Variants in ABTB2 observed in about 807,000 individuals in gnomAD.
ABTB2 encodes ankyrin repeat and BTB domain containing 2.
ABTB2 carries 56 observed loss-of-function variants against 104.1 expected under a neutral mutation model. The ratio of observed to expected loss-of-function variants is 0.54; its 90% CI spans 0.43 to 0.67. ABTB2 has a LOEUF of 0.67. Ranked by LOEUF, ABTB2 falls within the 30% of genes least tolerant of loss-of-function variation. The pLI is 0.00. For missense variants in ABTB2, 1,279 were observed against 1,407.7 expected (o/e 0.91, Z 1.46); for synonymous variants, 606 against 608.2 (o/e 1.00, Z 0.05).
intron 2 of ABTB2, among the ~76,000 whole-genome samples, chr11:34,199,434 C>T (rs945284358): frequency 4.6e-5 from 7 of 152,234 alleles, no homozygotes; most frequent in African/African-American, 1.7e-4. Context: ...CACCTGGTTT[C>T]CATCCCTGTG....
intron 3 of ABTB2, among the ~76,000 whole-genome samples, chr11:34,180,951 C>T (rs1451535025): frequency 6.6e-6 from 1 of 152,184 alleles, no homozygotes; most frequent in Non-Finnish European, 1.5e-5. Context: ...GTCACCCAGG[C>T]CGGAGTGAGG....
At position 34,283,140 on chromosome 11, in the gene ABTB2, G is replaced by A. The variant is rs548780642; in HGVS notation, c.883+73561C>T. On this transcript the variant is annotated intron_variant, in intron 1 of 16. Coordinates refer to ENST00000435224, the MANE Select transcript of ABTB2 (RefSeq NM_145804.3). ...TCACAGTGTTAGCCAGGACATTCTC[G>A]ATCTCCTGACCTCGTGATCCGCCTG... Among the ~76,000 whole-genome samples, 19 of 145,736 alleles carry A rather than the reference G, an allele frequency of 1.3e-4. No individual in the cohort carries two copies. The South Asian group carries it at 2.0e-3, about 15-fold the overall frequency.
intron 1 of ABTB2, among the ~76,000 whole-genome samples, chr11:34,300,173 G>A (rs1041802192): frequency 6.6e-5 from 10 of 152,144 alleles, no homozygotes; most frequent in African/African-American, 2.4e-4. Context: ...TGCTAGCTCA[G>A]CATGAATACC....
intron 3 of ABTB2, among the ~76,000 whole-genome samples, chr11:34,192,175 C>T (rs920612249): frequency 2.6e-5 from 4 of 152,070 alleles, no homozygotes; most frequent in Admixed American, 1.3e-4. Flanking sequence ...CATCTGTGGT[C>T]CCAGCTACTG....
chr11:34,355,095 C>A (rs1014954524), intron 1 of ABTB2, among the ~76,000 whole-genome samples: 3 of 152,202 alleles, frequency 2.0e-5, no homozygotes, highest in African/African-American at 7.2e-5. Flanking sequence ...TCTTCAATTC[C>A]CAGCATCTCC....
intron 1 of ABTB2, among the ~76,000 whole-genome samples, chr11:34,325,498 T>C (rs1305307568): frequency 1.3e-5 from 2 of 152,218 alleles, no homozygotes; most frequent in Non-Finnish European, 2.9e-5. Flanking sequence ...ACCAACATCA[T>C]AGCATTATTG....
intron 1 of ABTB2, among the ~76,000 whole-genome samples, chr11:34,342,864 G>C (rs1855278664): frequency 6.6e-6 from 1 of 152,150 alleles, no homozygotes; most frequent in South Asian, 2.1e-4. Context: ...GGGAATCACA[G>C]TATTCACTTC....
chr11:34,233,240 A>T (rs868699218), intron 1 of ABTB2, among the ~76,000 whole-genome samples: 1 of 152,088 alleles, frequency 6.6e-6, no homozygotes, highest in South Asian at 2.1e-4. Context: ...TTGAAGACAA[A>T]GCAAAACAAA....
intron 1 of ABTB2, among the ~76,000 whole-genome samples, chr11:34,218,917 C>G (rs1853581644): frequency 6.8e-6 from 1 of 147,044 alleles, no homozygotes; most frequent in Non-Finnish European, 1.5e-5. Flanking sequence ...GATGAGTTGA[C>G]TATGTTTATG....
chr11:34,354,302 G>A (rs1433352516), intron 1 of ABTB2, among the ~76,000 whole-genome samples: 1 of 152,130 alleles, frequency 6.6e-6, no homozygotes, highest in Non-Finnish European at 1.5e-5. Context: ...TTTGGAAAGG[G>A]GGGGCAAGGA....
intron 14 of ABTB2, among the ~76,000 whole-genome samples, chr11:34,155,532 G>A (rs1852612362): frequency 6.6e-6 from 1 of 152,248 alleles, no homozygotes; most frequent in Non-Finnish European, 1.5e-5. Context: ...AATTCTTTCT[G>A]GCTGGCTGAA....
Position 34,152,345 on chromosome 11 carries a change from C to A in ABTB2, c.*42G>T. Reference sequence around the variant, plus strand: ...CATACCCCGACATGGTGGGCCCTGGCACCTCCACAGGCCCTGGCCTCGGCA... The same window carrying A: ...CATACCCCGACATGGTGGGCCCTGGAACCTCCACAGGCCCTGGCCTCGGCA... On this transcript the variant is annotated 3_prime_UTR_variant, in exon 17 of 17. Coordinates refer to ENST00000435224, the MANE Select transcript of ABTB2 (RefSeq NM_145804.3). 1 of 1,530,760 alleles carries A rather than the reference C, an allele frequency of 6.5e-7. No homozygotes were observed. Among genetic ancestry groups the A allele is most frequent in the South Asian group, 1.2e-5 (1 of 82,802 alleles). 94.8% of individuals were successfully genotyped at this position (1,530,760 alleles called of 1,614,324 possible).
intron 1 of ABTB2, among the ~76,000 whole-genome samples, chr11:34,250,379 C>T (rs963072165): frequency 6.6e-6 from 1 of 152,168 alleles, no homozygotes; most frequent in Admixed American, 6.5e-5. Context: ...AGATGTCTGG[C>T]ATGTAGTGCA....
At chr11:34,198,126 A>G (rs1379378121) in intron 2 of ABTB2, among the ~76,000 whole-genome samples, 1 of 152,188 alleles carries the variant, frequency 6.6e-6, no homozygotes, top group Non-Finnish European at 1.5e-5. Context: ...TTTACAGATG[A>G]AGAACTTGAG....
rs1338481826 is a variant in ABTB2 at position 34,221,861 on chromosome 11, A to G, written c.884-17171T>C. On this transcript the variant is annotated intron_variant, in intron 1 of 16. Coordinates refer to ENST00000435224, the MANE Select transcript of ABTB2 (RefSeq NM_145804.3). ...CCAGACCAGCCTGGTCAACATGGCA[A>G]AACACTGTCTCTATTAAAAATATAA... Among the ~76,000 whole-genome samples, 4 of 152,260 alleles carry G rather than the reference A, an allele frequency of 2.6e-5. No individual in the cohort carries two copies. The East Asian group carries it at 7.7e-4, about 29-fold the overall frequency.
At chr11:34,206,622 A>G (rs1304596846) in intron 1 of ABTB2, among the ~76,000 whole-genome samples, 1 of 152,194 alleles carries the variant, frequency 6.6e-6, no homozygotes, top group African/African-American at 2.4e-5. Flanking sequence ...TGGCTGGTGC[A>G]TATGACAATA....
intron 4 of ABTB2, among the ~76,000 whole-genome samples, chr11:34,172,449 G>GATAT (rs1852895376): frequency 9.2e-6 from 1 of 108,588 alleles, no homozygotes. Flanking sequence ...TAGATAGATA[G>GATAT]ATAGATAGAT....
intron 1 of ABTB2, among the ~76,000 whole-genome samples, chr11:34,280,482 C>T (rs1439840339): frequency 6.6e-6 from 1 of 152,110 alleles, no homozygotes; most frequent in Non-Finnish European, 1.5e-5. Flanking sequence ...CCCTGGAGCC[C>T]CTCTTTCTCT....
At chr11:34,307,646 G>C (rs1854793625) in intron 1 of ABTB2, among the ~76,000 whole-genome samples, 1 of 151,824 alleles carries the variant, frequency 6.6e-6, no homozygotes, top group African/African-American at 2.4e-5. Flanking sequence ...GTGCTCTCTT[G>C]GTCTGATTCT....
Sources: allele counts gnomAD v4.1 joint callset (sites outside exome capture counted in the v4.1 genomes callset), GRCh38; gene constraint gnomAD v4.1.1; transcripts MANE v1.5; gene names NCBI Gene and HGNC (gene_info 2026-07-23, HGNC 2026-07-21).